Variants in KCNN2 observed in about 807,000 individuals in gnomAD.
The protein encoded by KCNN2 is small conductance calcium-activated potassium channel protein 2.
Under a neutral mutation model 55.5 loss-of-function variants are expected in KCNN2, and 24 were observed. The ratio of observed to expected loss-of-function variants is 0.43; its 90% CI spans 0.31 to 0.61. The LOEUF (loss-of-function observed/expected upper bound fraction) is 0.61. Ranked by LOEUF, KCNN2 falls within the 20% of genes least tolerant of loss-of-function variation. The pLI is 0.08. For synonymous variants in KCNN2, 431 were observed against 336.1 expected (o/e 1.28, Z -3.09); for missense variants, 754 against 853.6 (o/e 0.88, Z 1.45).
chr5:114,089,416 C>G (rs1480766467), intron 1 of KCNN2, among the ~76,000 whole-genome samples: 3 of 152,142 alleles, frequency 2.0e-5, no homozygotes, highest in Admixed American at 6.6e-5. Context: ...ACTGGAATGT[C>G]TCCCAACGCA....
rs184890677 is a variant in KCNN2 at position 114,285,559 on chromosome 5, A to T, written c.-185+63994A>T. Among the ~76,000 whole-genome samples, 10 of 152,330 alleles carry T rather than the reference A, an allele frequency of 6.6e-5. No individual in the cohort carries two copies. In the East Asian group the frequency reaches 1.2e-3, roughly 18 times the overall value. Reference sequence around the variant, plus strand: ...AACCTGGATTGTCTCCTAAAATTATAGATCAGAATTAAGTAGCAAATTCGC... The same window carrying T: ...AACCTGGATTGTCTCCTAAAATTATTGATCAGAATTAAGTAGCAAATTCGC... On this transcript the variant is annotated intron_variant, in intron 2 of 10. Coordinates refer to the KCNN2 transcript ENST00000512097.
chr5:114,310,542 G>A lies in KCNN2; in HGVS notation c.-184-50403G>A, dbSNP rs867900361. 6.6e-5 allele frequency among the ~76,000 whole-genome samples: 10 copies of A among 152,240 alleles called. No individual in the cohort carries two copies. The Middle Eastern group carries it at 0.01, about 155-fold the overall frequency. On this transcript the variant is annotated intron_variant, in intron 2 of 10. Coordinates refer to the KCNN2 transcript ENST00000512097. ...TTTTCTTAGAAACACAGTTCTGGGG[G>A]ACTGTGCAGGATCCCCACTGAAGTA...
At chr5:114,275,103 T>C (rs1755456475) in intron 2 of KCNN2, among the ~76,000 whole-genome samples, 1 of 152,232 alleles carries the variant, frequency 6.6e-6, no homozygotes, top group Non-Finnish European at 1.5e-5. Context: ...ATGTGGTTTT[T>C]GTCATTCGAT....
At chr5:114,489,970 C>A (rs989413160) in intron 6 of KCNN2, among the ~76,000 whole-genome samples, 1 of 152,190 alleles carries the variant, frequency 6.6e-6, no homozygotes, top group African/African-American at 2.4e-5. Flanking sequence ...CATGCTATCT[C>A]AACTCTGTTT....
intron 3 of KCNN2, among the ~76,000 whole-genome samples, chr5:114,449,637 C>A (rs1312065821): frequency 6.6e-6 from 1 of 152,150 alleles, no homozygotes; most frequent in African/African-American, 2.4e-5. Flanking sequence ...CAGCTCAGTT[C>A]CTCCTTGCCT....
chr5:114,249,027 G>T (rs1211463061), intron 2 of KCNN2, among the ~76,000 whole-genome samples: 1 of 152,116 alleles, frequency 6.6e-6, no homozygotes, highest in Non-Finnish European at 1.5e-5. Flanking sequence ...TTACCATATT[G>T]TCCCTTTCAG....
At chr5:114,066,090 T>G (rs1324928562) in intron 1 of KCNN2, among the ~76,000 whole-genome samples, 2 of 152,098 alleles carry the variant, frequency 1.3e-5, no homozygotes, top group Non-Finnish European at 2.9e-5. Flanking sequence ...GCTTAATCTT[T>G]CTGGAAAAAA....
intron 4 of KCNN2, among the ~76,000 whole-genome samples, chr5:114,463,566 G>A (rs1761307228): frequency 6.6e-6 from 1 of 152,128 alleles, no homozygotes; most frequent in Non-Finnish European, 1.5e-5. Context: ...ATCTTGAAAT[G>A]TGTTGAAGGG....
At chr5:114,408,688 A>T (rs1759020893) in intron 3 of KCNN2, among the ~76,000 whole-genome samples, 1 of 152,198 alleles carries the variant, frequency 6.6e-6, no homozygotes, top group Non-Finnish European at 1.5e-5. Flanking sequence ...GACAATATAT[A>T]CATCTCCATG....
At chr5:114,439,255 A>C (rs1760124392) in intron 3 of KCNN2, among the ~76,000 whole-genome samples, 1 of 152,214 alleles carries the variant, frequency 6.6e-6, no homozygotes, top group South Asian at 2.1e-4. Flanking sequence ...AGCTACTCTG[A>C]GGACCACTTC....
intron 4 of KCNN2, among the ~76,000 whole-genome samples, chr5:114,465,084 A>G (rs909403035): frequency 4.6e-5 from 7 of 152,202 alleles, no homozygotes; most frequent in Admixed American, 2.0e-4. Context: ...TTATTCTCCA[A>G]TCAGGTGTGA....
At chr5:114,401,884 G>A (rs909344530) in intron 2 of KCNN2, among the ~76,000 whole-genome samples, 3 of 152,210 alleles carry the variant, frequency 2.0e-5, no homozygotes, top group African/African-American at 7.2e-5. Flanking sequence ...TGTGCTATGG[G>A]TATAGATTAG....
At chr5:114,385,205 C>T (rs1758238377) in intron 2 of KCNN2, among the ~76,000 whole-genome samples, 1 of 152,000 alleles carries the variant, frequency 6.6e-6, no homozygotes, top group South Asian at 2.1e-4. Context: ...CTTCCATCTT[C>T]CTCTTTTTTC....
intron 2 of KCNN2, among the ~76,000 whole-genome samples, chr5:114,394,010 TG>T (rs1758537767): frequency 6.6e-6 from 1 of 152,130 alleles, no homozygotes; most frequent in South Asian, 2.1e-4. Context: ...GCAAATATAT[TG>T]ATATGACAGA....
intron 1 of KCNN2, among the ~76,000 whole-genome samples, chr5:114,201,842 C>T (rs1448828699): frequency 6.6e-6 from 1 of 152,054 alleles, no homozygotes; most frequent in African/African-American, 2.4e-5. Context: ...CCTGTCTGTC[C>T]TTGGCTGTGT....
chr5:114,164,591 T>A lies in KCNN2; in HGVS notation c.-270-56889T>A, dbSNP rs574851401. 5.9e-5 allele frequency among the ~76,000 whole-genome samples: 9 copies of A among 152,284 alleles called. No individual in the cohort carries two copies. The East Asian group carries it at 1.7e-3, about 29-fold the overall frequency. On this transcript the variant is annotated intron_variant, in intron 1 of 10. Transcript: ENST00000512097. ...TCAAGTTATCCAACAATAATATAAT[T>A]GTCTCCAAGAAAAATCAAATACAAC...
Position 114,362,911 on chromosome 5 carries a change from G to T in KCNN2, c.772G>T (p.Ala258Ser). ...PPASVGGGGG[A>S]SSPSAAAAAA... Reference sequence around the variant, plus strand: ...CGCGTCTGTCGGAGGAGGTGGCGGCGCGTCCTCCCCGTCTGCAGCCGCTGC... The same window carrying T: ...CGCGTCTGTCGGAGGAGGTGGCGGCTCGTCCTCCCCGTCTGCAGCCGCTGC... The change falls in exon 1 of 8, where the codon GCG (alanine) becomes TCG (serine). Residue 258 changes from alanine to serine, a missense_variant. Coordinates refer to ENST00000673685, the MANE Select transcript of KCNN2 (RefSeq NM_021614.4). The T allele has an allele frequency of 6.3e-7, 1 of 1,588,308 alleles. No homozygotes were observed. Among genetic ancestry groups the T allele is most frequent in the Non-Finnish European group, 8.5e-7 (1 of 1,175,684 alleles).
At chr5:114,249,700 A>G (rs938378346) in intron 2 of KCNN2, among the ~76,000 whole-genome samples, 5 of 151,846 alleles carry the variant, frequency 3.3e-5, no homozygotes, top group Admixed American at 6.6e-5. Flanking sequence ...AGTCTGAATG[A>G]ATAAGAACCT....
intron 2 of KCNN2, among the ~76,000 whole-genome samples, chr5:114,248,702 A>G (rs1435401371): frequency 6.6e-6 from 1 of 152,232 alleles, no homozygotes; most frequent in South Asian, 2.1e-4. Flanking sequence ...ACTATTTATC[A>G]TAGTGATTTC....
Sources: allele counts gnomAD v4.1 joint callset (sites outside exome capture counted in the v4.1 genomes callset), GRCh38; gene constraint gnomAD v4.1.1; transcripts MANE v1.5; gene names NCBI Gene and HGNC (gene_info 2026-07-23, HGNC 2026-07-21).